The following NT5DC3 variants were observed in gnomAD, a reference collection of about 807,000 sequenced individuals.
NT5DC3 encodes the protein 5'-nucleotidase domain containing 3.
NT5DC3 carries 42 observed loss-of-function variants against 67.8 expected under a neutral mutation model. The observed-to-expected ratio is 0.62, with a 90% confidence interval of 0.48 to 0.80. The LOEUF (loss-of-function observed/expected upper bound fraction) is 0.80. NT5DC3 is among the 30% of genes least tolerant of loss of function. The pLI, the probability that NT5DC3 is intolerant of heterozygous loss-of-function variation, is 0.00. For missense variants in NT5DC3, 570 were observed against 696.4 expected, an observed-to-expected ratio of 0.82 and a Z score of 2.04; for synonymous variants, 237 against 255.6, an observed-to-expected ratio of 0.93 and a Z score of 0.69.
chr12:103,830,339 CTT>C (rs1253141264), intron 1 of NT5DC3, among the ~76,000 whole-genome samples: 3 of 152,184 alleles, frequency 2.0e-5, no homozygotes, highest in Non-Finnish European at 2.9e-5. Context: ...ATGATATTCT[CTT>C]TGTCTTTTGT....
In NT5DC3 at chr12:103,793,512, T is replaced by A; in HGVS notation, c.815A>T (p.Glu272Val). ...IMYRAIEADI[E>V]KYICYAEQTR... ...CTGCTCAGCATAGCAGATGTACTTT[T>A]CTAAGAGCAAGAGAAAAATTCACAC... Residue 272 changes from glutamate to valine, a missense_variant and splice_region_variant, in exon 8 of 14, where the codon GAA becomes GTA. Glu to Val is a moderately radical substitution (Grantham distance 121). Coordinates refer to ENST00000392876, the MANE Select transcript of NT5DC3 (RefSeq NM_001031701.3). 1 of 1,609,992 alleles carries A rather than the reference T, an allele frequency of 6.2e-7. No homozygotes were observed. Among genetic ancestry groups the A allele is most frequent in the Non-Finnish European group, 8.5e-7 (1 of 1,176,806 alleles).
chr12:103,761,241 C>T, the NT5DC3 span: 1 of 1,527,340 alleles, frequency 6.5e-7, no homozygotes, highest in Non-Finnish European at 9.1e-7. Context: ...CAACTTCCCT[C>T]CATGGAGGGC....
At chr12:103,753,811 C>T in the NT5DC3 span, among the ~76,000 whole-genome samples, 41,424 of 152,082 alleles carry the variant, frequency 0.27, 6,049 homozygotes, top group Middle Eastern at 0.34. Flanking sequence ...GACAGCAATA[C>T]CCACGAGCCT....
intron 12 of NT5DC3, among the ~76,000 whole-genome samples, chr12:103,781,258 G>C (rs1885538533): frequency 6.6e-6 from 1 of 152,208 alleles, no homozygotes; most frequent in Admixed American, 6.5e-5. Flanking sequence ...AAAACACCAA[G>C]CGGGCAAACC....
the NT5DC3 span, chr12:103,750,736 GC>G: frequency 6.2e-7 from 1 of 1,604,726 alleles, no homozygotes; most frequent in Non-Finnish European, 8.5e-7. Context: ...TGTGACCAGG[GC>G]CTATGGCCCA....
At chr12:103,762,727 G>A in the NT5DC3 span, among the ~76,000 whole-genome samples, 104 of 152,318 alleles carry the variant, frequency 6.8e-4, no homozygotes, top group African/African-American at 2.5e-3. Flanking sequence ...TACCTTGGAG[G>A]ATTCACTGCA....
Position 103,775,248 on chromosome 12 carries a change from T to G in NT5DC3, c.*2581A>C, listed in dbSNP as rs140500248. ...GAGATCTCAACACTGCCAAGCTCAATGGCCCAGAGACTGAAATTCTTCTAA... is the reference window on the plus strand; with the variant it reads ...GAGATCTCAACACTGCCAAGCTCAAGGGCCCAGAGACTGAAATTCTTCTAA... On this transcript the variant is annotated 3_prime_UTR_variant, in exon 14 of 14. Transcript: ENST00000392876. 46 of 152,330 alleles carry G rather than the reference T, an allele frequency of 3.0e-4. No individual in the cohort carries two copies. The highest frequency in any genetic ancestry group is 1.0e-3 in the African/African-American group (42 of 41,566). The allele number at this position is 152,330 out of a possible 1,614,324, so 9.4% of individuals were successfully genotyped here.
chr12:103,831,555 G>A (rs1389294403), intron 1 of NT5DC3, among the ~76,000 whole-genome samples: 1 of 152,072 alleles, frequency 6.6e-6, no homozygotes, highest in Non-Finnish European at 1.5e-5. Context: ...AATATCTAGA[G>A]CAAAGACCAA....
chr12:103,806,788 A>G, intron 3 of NT5DC3, 67 bp downstream of exon 3: 1 of 1,028,416 alleles, frequency 9.7e-7, no homozygotes, highest in African/African-American at 1.6e-5. Flanking sequence ...AGTAAAGAAA[A>G]GTACCAACAG....
Position 103,797,029 on chromosome 12 carries a change from G to C in NT5DC3, c.618C>G (p.Ser206Arg). The C allele has an allele frequency of 1.2e-6, 2 of 1,614,126 alleles. No homozygotes were observed. Among genetic ancestry groups the C allele is most frequent in the Non-Finnish European group, 1.7e-6 (2 of 1,180,016 alleles). The change falls in exon 6 of 14, where the codon AGC (serine) becomes AGG (arginine). Residue 206 changes from serine to arginine, a missense_variant and splice_region_variant. Physicochemically the swap from Ser to Arg is moderately radical, Grantham distance 110. This residue lies in a region of NT5DC3 where 466 missense variants were observed against 608.0 expected (regional missense o/e 0.77). Coordinates refer to ENST00000392876, the MANE Select transcript of NT5DC3 (RefSeq NM_001031701.3). ...LEQMSDFYGK[S>R]SHGNTMKQFM... ...ACTGCTTCATCGTGTTTCCATGAGA[G>C]CTCTGCAGACAGGGTGGAAGGAATG...
intron 1 of NT5DC3, among the ~76,000 whole-genome samples, chr12:103,837,981 G>C (rs796969424): frequency 8.5e-5 from 13 of 152,288 alleles, no homozygotes; most frequent in African/African-American, 2.6e-4. Context: ...ACACACCTGG[G>C]ACTGGGAAGA....
At chr12:103,767,073 C>G (rs1224619424), downstream of NT5DC3, among the ~76,000 whole-genome samples, 2 of 151,972 alleles carry the variant, frequency 1.3e-5, no homozygotes, top group Non-Finnish European at 2.9e-5. Context: ...AAATGCCACC[C>G]CTAGGTATAT....
intron 12 of NT5DC3, among the ~76,000 whole-genome samples, chr12:103,782,412 A>G (rs1274124023): frequency 6.6e-6 from 1 of 152,188 alleles, no homozygotes; most frequent in Non-Finnish European, 1.5e-5. Context: ...AAATTACATG[A>G]AAGTCAAATT....
At chr12:103,799,804 CAAA>C (rs72379630) in intron 4 of NT5DC3, among the ~76,000 whole-genome samples, 4 of 131,482 alleles carry the variant, frequency 3.0e-5, no homozygotes, top group Admixed American at 7.5e-5. Context: ...CTCCACATAC[CAAA>C]AAAAAAAAAA....
At chr12:103,779,844 C>G (rs1885475024) in intron 13 of NT5DC3, among the ~76,000 whole-genome samples, 1 of 152,192 alleles carries the variant, frequency 6.6e-6, no homozygotes, top group South Asian at 2.1e-4. Context: ...TAACATCCTG[C>G]TTACTGATTG....
chr12:103,797,142 T>A (rs1187641154), intron 5 of NT5DC3, 111 bp from the exon 6 acceptor site: 1 of 1,134,832 alleles, frequency 8.8e-7, no homozygotes, highest in South Asian at 1.4e-5. Context: ...CGAGATCCCA[T>A]CATCAACACA....
chr12:103,793,243 C>T lies in NT5DC3; in HGVS notation c.940G>A (p.Val314Ile), dbSNP rs778169516. Residue 314 changes from valine (V) to isoleucine (I), a missense_variant, in exon 9 of 14, where the codon GTT becomes ATT. By Grantham distance (29) the Val-to-Ile change is conservative. This residue lies in a region of NT5DC3 where 466 missense variants were observed against 608.0 expected (regional missense o/e 0.77). Transcript: ENST00000392876. ...AACAGGTCCCTCCAGTCTTTCCCAA[C>T]GATATAACTCATCCCTTTGTCCCTA... ...SFVDKGMSYI[V>I]GKDWRDLFDV... 19 of 1,610,402 alleles carry T rather than the reference C, an allele frequency of 1.2e-5. No individual in the cohort carries two copies. The highest frequency in any genetic ancestry group is 2.2e-5 in the East Asian group (1 of 44,874).
At chr12:103,747,097 CA>C in the NT5DC3 span, among the ~76,000 whole-genome samples, 1 of 152,056 alleles carries the variant, frequency 6.6e-6, no homozygotes, top group Non-Finnish European at 1.5e-5. Flanking sequence ...GCTGGGATTA[CA>C]GGCATGCGCC....
the NT5DC3 span, among the ~76,000 whole-genome samples, chr12:103,760,278 T>G: frequency 6.6e-6 from 1 of 152,256 alleles, no homozygotes; most frequent in Non-Finnish European, 1.5e-5. Context: ...TTGTTGTTTT[T>G]TAGACAGTCT....
Sources: gnomAD v4.1 joint callset for allele counts (sites outside exome capture counted in the v4.1 genomes callset) on GRCh38, gnomAD v4.1.1 for gene constraint, gnomAD v4.1.1 regional missense constraint, MANE v1.5 for transcripts, NCBI Gene and HGNC (gene_info 2026-07-23, HGNC 2026-07-21) for gene names.